Variants in GLIS3 observed in about 807,000 individuals in gnomAD.
GLIS3 encodes the protein GLIS family zinc finger 3, also known as zinc finger protein GLIS3.
In GLIS3, 53 loss-of-function variants were observed where a neutral mutation model predicts 78.6. That is an observed-to-expected ratio of 0.67 (90% CI 0.54 to 0.85). The LOEUF (loss-of-function observed/expected upper bound fraction) is 0.85, where lower values mean the gene tolerates loss of function less well. Among genes scored for constraint, GLIS3 ranks in the 40% least tolerant of loss-of-function variants. The pLI is 0.00. For synonymous variants in GLIS3, 684 were observed against 509.9 expected, an observed-to-expected ratio of 1.34 and a Z score of -4.60; for missense variants, 1,703 against 1,231.1, an observed-to-expected ratio of 1.38 and a Z score of -5.74.
At chr9:4,389,158 C>T in the GLIS3 span, among the ~76,000 whole-genome samples, 8 of 152,134 alleles carry the variant, frequency 5.3e-5, no homozygotes, top group African/African-American at 1.9e-4. Flanking sequence ...TTAGGAAAAC[C>T]CTGTGACATA....
chr9:4,466,993 C>A, the GLIS3 span, among the ~76,000 whole-genome samples: 19 of 152,360 alleles, frequency 1.2e-4, no homozygotes, highest in African/African-American at 4.3e-4. Flanking sequence ...TATCCCGCAC[C>A]TGGCTCGGCG....
chr9:3,906,596 A>T (rs559831126), intron 6 of GLIS3, among the ~76,000 whole-genome samples: 2 of 152,248 alleles, frequency 1.3e-5, no homozygotes, highest in East Asian at 3.9e-4. Flanking sequence ...ACCTGCAGGT[A>T]CCTGCACACA....
chr9:4,010,048 T>A (rs1458258406), intron 4 of GLIS3, among the ~76,000 whole-genome samples: 1 of 152,080 alleles, frequency 6.6e-6, no homozygotes, highest in African/African-American at 2.4e-5. Context: ...GGGGCCAGTA[T>A]CCCTGGCCTC....
intron 4 of GLIS3, among the ~76,000 whole-genome samples, chr9:4,078,471 G>A (rs1330259850): frequency 6.6e-6 from 1 of 152,142 alleles, no homozygotes; most frequent in African/African-American, 2.4e-5. Context: ...CTTCTTGCAT[G>A]GCCTCAAGGC....
At chr9:4,106,791 AC>A (rs1830787457) in intron 4 of GLIS3, among the ~76,000 whole-genome samples, 4 of 152,288 alleles carry the variant, frequency 2.6e-5, no homozygotes, top group Admixed American at 2.6e-4. Flanking sequence ...TTCATCTATA[AC>A]CTTGCCCTTG....
chr9:3,850,801 C>G (rs1286215537), intron 9 of GLIS3, among the ~76,000 whole-genome samples: 1 of 152,214 alleles, frequency 6.6e-6, no homozygotes, highest in Non-Finnish European at 1.5e-5. Context: ...TCTGTGCACA[C>G]ACACGCCACG....
intron 4 of GLIS3, among the ~76,000 whole-genome samples, chr9:4,047,377 C>T (rs1825340093): frequency 1.3e-5 from 2 of 152,112 alleles, no homozygotes; most frequent in Non-Finnish European, 1.5e-5. Flanking sequence ...CGGACTAATA[C>T]AATTGGGTAA....
chr9:3,893,027 T>A (rs1822565668), intron 7 of GLIS3, among the ~76,000 whole-genome samples: 1 of 152,194 alleles, frequency 6.6e-6, no homozygotes, highest in African/African-American at 2.4e-5. Flanking sequence ...CATGGGGGTT[T>A]GTTGTACACA....
At chr9:4,195,285 G>A (rs1343584413) in intron 2 of GLIS3, among the ~76,000 whole-genome samples, 2 of 152,214 alleles carry the variant, frequency 1.3e-5, no homozygotes. Flanking sequence ...TTGGCTTGCA[G>A]GGAGGTGTGG....
chr9:4,435,504 A>G, the GLIS3 span, among the ~76,000 whole-genome samples: 441 of 152,338 alleles, frequency 2.9e-3, 4 homozygotes, highest in Middle Eastern at 0.017. Context: ...TCACAAGATC[A>G]TCAAAAGGCA....
At chr9:3,847,591 T>C (rs907442706) in intron 9 of GLIS3, among the ~76,000 whole-genome samples, 5 of 152,254 alleles carry the variant, frequency 3.3e-5, no homozygotes, top group African/African-American at 1.2e-4. Context: ...TGCAGATGCT[T>C]AGTTATATAT....
At chr9:4,397,182 C>T in the GLIS3 span, among the ~76,000 whole-genome samples, 30 of 140,118 alleles carry the variant, frequency 2.1e-4, 1 homozygote, top group South Asian at 9.3e-4. Flanking sequence ...CCCGCCACTA[C>T]GCCCGGCTAA....
At position 3,889,650 on chromosome 9, in the gene GLIS3, G is replaced by A. The variant is rs570097097; in HGVS notation, c.2128+9041C>T. 3.3e-5 allele frequency among the ~76,000 whole-genome samples: 5 copies of A among 152,308 alleles called. No homozygotes were observed. The South Asian group carries it at 8.3e-4, about 25-fold the overall frequency. On this transcript the variant is annotated intron_variant, in intron 7 of 10. Transcript: ENST00000381971. ...AGTCATTTTGATGAATGTCTCAGAT[G>A]TAAGTATAAAACAGGGCTTGGCAAA...
the GLIS3 span, among the ~76,000 whole-genome samples, chr9:4,436,580 G>A: frequency 6.6e-6 from 1 of 152,006 alleles, no homozygotes; most frequent in East Asian, 1.9e-4. Flanking sequence ...CAAGGCGGGT[G>A]GATCACCTGA....
intron 2 of GLIS3, among the ~76,000 whole-genome samples, chr9:4,134,054 A>C (rs1833204413): frequency 6.6e-6 from 1 of 152,212 alleles, no homozygotes; most frequent in African/African-American, 2.4e-5. Context: ...TACAACAGAA[A>C]ATAAGTAAAA....
chr9:3,901,567 A>T (rs1475018359), intron 6 of GLIS3, among the ~76,000 whole-genome samples: 2 of 152,182 alleles, frequency 1.3e-5, no homozygotes, highest in African/African-American at 4.8e-5. Flanking sequence ...ACACACATAC[A>T]ACAGTAAGTT....
At chr9:4,289,217 A>C (rs970767718) in intron 1 of GLIS3, among the ~76,000 whole-genome samples, 12 of 152,180 alleles carry the variant, frequency 7.9e-5, no homozygotes, top group African/African-American at 2.4e-4. Context: ...AAAGTTCAGG[A>C]ATTTGGATCT....
intron 2 of GLIS3, among the ~76,000 whole-genome samples, chr9:4,341,520 C>T (rs1479762345): frequency 6.6e-6 from 1 of 152,314 alleles, no homozygotes; most frequent in Non-Finnish European, 1.5e-5. Context: ...TTTTCTCCCA[C>T]TCTCCTCCAT....
intron 2 of GLIS3, chr9:4,152,081 A>T (rs895358171): frequency 1.0e-6 from 1 of 958,194 alleles, no homozygotes; most frequent in Non-Finnish European, 1.2e-6. Context: ...ACAACAAACA[A>T]GTAACACAAT....
Sources: allele counts gnomAD v4.1 joint callset (sites outside exome capture counted in the v4.1 genomes callset), GRCh38; gene constraint gnomAD v4.1.1; transcripts MANE v1.5; gene names NCBI Gene and HGNC (gene_info 2026-07-23, HGNC 2026-07-21).